RTN3: variants seen among roughly 807,000 people sequenced by gnomAD.
The protein encoded by RTN3 is reticulon 3.
Under a neutral mutation model 77.8 loss-of-function variants are expected in RTN3, and 49 were observed. That is an observed-to-expected ratio of 0.63 (90% CI 0.50 to 0.80). The LOEUF (loss-of-function observed/expected upper bound fraction) is 0.80. Among genes scored for constraint, RTN3 ranks in the 30% least tolerant of loss-of-function variants. The pLI is 0.00. For synonymous variants in RTN3, 464 were observed against 446.9 expected, an observed-to-expected ratio of 1.04 and a Z score of -0.48; for missense variants, 1,236 against 1,211.9, an observed-to-expected ratio of 1.02 and a Z score of -0.29.
intron 8 of RTN3, among the ~76,000 whole-genome samples, chr11:63,757,603 C>T (rs2014446297): frequency 6.6e-6 from 1 of 152,224 alleles, no homozygotes; most frequent in South Asian, 2.1e-4. Flanking sequence ...AAGTGATCCT[C>T]CCACCTTGGC....
intron 3 of RTN3, among the ~76,000 whole-genome samples, chr11:63,738,726 G>C (rs1483963609): frequency 1.3e-5 from 2 of 151,904 alleles, no homozygotes; most frequent in African/African-American, 4.8e-5. Context: ...TATTTGAACA[G>C]CTCTTCTTTT....
At position 63,681,510 on chromosome 11, in the gene RTN3, A is replaced by C. The variant is rs1279924668; in HGVS notation, c.-127A>C. The stretch of plus-strand genomic sequence containing the variant: ...TCGGCTGAGTCAGTCAGTCTGTCGG[A>C]GTCTGTCCTCGGAGCAGGCGGAGTA... On this transcript the variant is annotated 5_prime_UTR_variant, in exon 1 of 9. Transcript: ENST00000377819. 4.1e-6 allele frequency: 4 copies of C among 978,310 alleles called. No individual in the cohort carries two copies. Among genetic ancestry groups the C allele is most frequent in the Non-Finnish European group, 5.8e-6 (4 of 694,612 alleles). The allele number at this position is 978,310 out of a possible 1,614,324, so 60.6% of individuals were successfully genotyped here. A position where few individuals can be genotyped will look rare whatever the true frequency, so the allele number is the denominator to read the frequency against.
At chr11:63,724,020 G>A (rs2012020414) in intron 3 of RTN3, among the ~76,000 whole-genome samples, 1 of 152,008 alleles carries the variant, frequency 6.6e-6, no homozygotes, top group African/African-American at 2.4e-5. Flanking sequence ...AGTGAAGATA[G>A]TTTTTTGTGT....
Position 63,717,375 on chromosome 11 carries a change from C to CTTT in RTN3, c.200-1302_200-1300dup, listed in dbSNP as rs1187530525. The stretch of plus-strand genomic sequence containing the variant: ...AAAGTAATTCTGGAGTTAACTCTGT[C>CTTT]TTTTTTTTTTTTTTTTTTTTTTTTT... On this transcript the variant is annotated intron_variant, in intron 2 of 8. Transcript: ENST00000377819. 2.7e-4 allele frequency among the ~76,000 whole-genome samples: 20 copies of CTTT among 75,190 alleles called. 1 individual carries two copies. The highest frequency in any genetic ancestry group is 4.2e-4 in the Non-Finnish European group (16 of 38,064). The allele number at this position is 75,190 out of a possible 152,430, so 49.3% of individuals were successfully genotyped here. A position where few individuals can be genotyped will look rare whatever the true frequency, so the allele number is the denominator to read the frequency against.
At chr11:63,755,304 T>C (rs1420370186) in intron 7 of RTN3, among the ~76,000 whole-genome samples, 2 of 151,982 alleles carry the variant, frequency 1.3e-5, no homozygotes, top group African/African-American at 4.8e-5. Context: ...TTTAACAAAG[T>C]GTGGGGTGTT....
chr11:63,704,638 T>C (rs1372650322), intron 1 of RTN3, among the ~76,000 whole-genome samples: 1 of 151,704 alleles, frequency 6.6e-6, no homozygotes, highest in Non-Finnish European at 1.5e-5. Context: ...AAAAAATGAA[T>C]GGATTAACTT....
chr11:63,754,429 G>A (rs1194739232), intron 7 of RTN3, among the ~76,000 whole-genome samples: 1 of 151,730 alleles, frequency 6.6e-6, no homozygotes, highest in Non-Finnish European at 1.5e-5. Flanking sequence ...GGCCAGGCAC[G>A]GTGGCTCACG....
intron 3 of RTN3, among the ~76,000 whole-genome samples, chr11:63,738,968 G>GC (rs1331690558): frequency 6.6e-6 from 1 of 152,134 alleles, no homozygotes; most frequent in Non-Finnish European, 1.5e-5. Context: ...CTTGGGTACT[G>GC]CAGCCGGCGT....
chr11:63,737,060 C>T (rs1346559963), intron 3 of RTN3, among the ~76,000 whole-genome samples: 2 of 151,496 alleles, frequency 1.3e-5, no homozygotes, highest in Non-Finnish European at 2.9e-5. Flanking sequence ...CTGCTGCCTC[C>T]TGGGCTCAAG....
intron 3 of RTN3, among the ~76,000 whole-genome samples, chr11:63,746,231 C>T (rs2013785704): frequency 6.6e-6 from 1 of 152,184 alleles, no homozygotes; most frequent in Admixed American, 6.5e-5. Context: ...GTTTCCTCTT[C>T]CTGTCTTTCA....
rs575511418 is a variant in RTN3 at position 63,753,672 on chromosome 11, C to A, written c.2958C>A (p.Leu986=). The A allele has an allele frequency of 3.5e-5, 56 of 1,613,696 alleles. No individual in the cohort carries two copies. The highest frequency in any genetic ancestry group is 1.6e-4 in the Middle Eastern group (1 of 6,084). ...GITLLILAEL[L]IFSVPIVYEK... is the part of the protein sequence containing the mutation. The stretch of plus-strand genomic sequence containing the variant: ...GATTCTGTCTTACAGCTGAACTGCT[C>A]ATTTTCAGTGTCCCGATTGTCTATG... Residue 986 remains leucine (L), a synonymous_variant, in exon 7 of 9, where the codon CTC becomes CTA. Transcript: ENST00000377819.
chr11:63,737,338 G>A (rs1030662112), intron 3 of RTN3, among the ~76,000 whole-genome samples: 6 of 152,166 alleles, frequency 3.9e-5, no homozygotes, highest in Admixed American at 6.5e-5. Context: ...CAGGCATGCC[G>A]GTGTCTCATG....
chr11:63,695,348 G>A (rs746235836), intron 1 of RTN3, among the ~76,000 whole-genome samples: 3 of 151,710 alleles, frequency 2.0e-5, no homozygotes, highest in Non-Finnish European at 4.4e-5. Context: ...TGTTTTTATA[G>A]TAGTTATGTT....
chr11:63,688,761 G>T (rs1462032620), intron 1 of RTN3, among the ~76,000 whole-genome samples: 1 of 152,048 alleles, frequency 6.6e-6, no homozygotes, highest in African/African-American at 2.4e-5. Context: ...AAATTATCCT[G>T]TGAGGAAATA....
chr11:63,696,101 A>C (rs1476988820), intron 1 of RTN3, among the ~76,000 whole-genome samples: 1 of 151,918 alleles, frequency 6.6e-6, no homozygotes, highest in Admixed American at 6.6e-5. Context: ...TTAAAAAAAA[A>C]AAAAAAACCT....
chr11:63,750,116 C>T lies in RTN3; in HGVS notation c.2656C>T (p.Leu886Phe). The T allele has an allele frequency of 6.2e-7, 1 of 1,613,028 alleles. No homozygotes were observed. The highest frequency in any genetic ancestry group is 1.1e-5 in the South Asian group (1 of 90,800). Residue 886 changes from leucine to phenylalanine, a missense_variant, in exon 4 of 9, where the codon CTT (leucine) becomes TTT (phenylalanine). This residue lies in a region of RTN3 where 39 missense variants were observed against 66.6 expected (regional missense o/e 0.59). Coordinates refer to ENST00000377819, the MANE Select transcript of RTN3 (RefSeq NM_001265589.2). The stretch of plus-strand genomic sequence containing the variant: ...TGTGGTTTCTTACCTCATCCTGGCT[C>T]TTCTCTCTGTCACCATCAGCTTCAG... Reference protein sequence around the residue: ...ISVVSYLILALLSVTISFRIY... With the variant: ...ISVVSYLILAFLSVTISFRIY...
At chr11:63,715,802 T>A (rs1221951806) in intron 2 of RTN3, among the ~76,000 whole-genome samples, 1 of 152,208 alleles carries the variant, frequency 6.6e-6, no homozygotes, top group Non-Finnish European at 1.5e-5. Context: ...GAATGTTTTG[T>A]GGTAGAAACA....
chr11:63,692,003 T>C (rs1941684386), intron 1 of RTN3, among the ~76,000 whole-genome samples: 1 of 152,162 alleles, frequency 6.6e-6, no homozygotes, highest in Non-Finnish European at 1.5e-5. Flanking sequence ...ATATCTGGCC[T>C]CAACCTCCCC....
At chr11:63,731,573 A>G (rs1285120844) in intron 3 of RTN3, among the ~76,000 whole-genome samples, 1 of 152,270 alleles carries the variant, frequency 6.6e-6, no homozygotes, top group African/African-American at 2.4e-5. Flanking sequence ...TTTAAACTGA[A>G]TCACTTAAAC....
Sources: allele counts gnomAD v4.1 joint callset (sites outside exome capture counted in the v4.1 genomes callset), GRCh38; gene constraint gnomAD v4.1.1; regional missense constraint gnomAD v4.1.1; transcripts MANE v1.5; gene names NCBI Gene and HGNC (gene_info 2026-07-23, HGNC 2026-07-21).